Variants in TOX3 observed in about 807,000 individuals in gnomAD.
TOX3 encodes TOX high mobility group box family member 3, also known as CAG trinucleotide repeat-containing gene F9 protein.
In TOX3, 22 loss-of-function variants were observed where a neutral mutation model predicts 64.3. The ratio of observed to expected loss-of-function variants is 0.34; its 90% CI spans 0.24 to 0.49. The LOEUF is 0.49. Ranked by LOEUF, TOX3 falls within the 20% of genes least tolerant of loss-of-function variation. TOX3 has a pLI of 0.99. For synonymous variants in TOX3, 291 were observed against 273.6 expected, an observed-to-expected ratio of 1.06 and a Z score of -0.63; for missense variants, 661 against 714.4, an observed-to-expected ratio of 0.93 and a Z score of 0.85.
chr16:52,468,625 C>T, intron 1 of TOX3, 51 bp from the exon 2 acceptor site: 1 of 1,426,718 alleles, frequency 7.0e-7, no homozygotes, highest in Non-Finnish European at 9.8e-7. Context: ...ATAAAGCATT[C>T]TGGCTGTGAT....
At chr16:52,440,002 C>T (rs1959910980) in intron 6 of TOX3, 34 bp from the exon 7 acceptor site, 3 of 1,475,388 alleles carry the variant, frequency 2.0e-6, no homozygotes, top group Non-Finnish European at 2.7e-6. Flanking sequence ...CAGACTGTTA[C>T]AACACATAAG....
At chr16:52,509,947 A>T (rs1312453041) in intron 1 of TOX3, among the ~76,000 whole-genome samples, 1 of 152,136 alleles carries the variant, frequency 6.6e-6, no homozygotes, top group African/African-American at 2.4e-5. Context: ...TATTCAAGAG[A>T]TGAGTCTAAA....
chr16:52,489,651 G>A (rs1053322351), intron 1 of TOX3, among the ~76,000 whole-genome samples: 1 of 152,066 alleles, frequency 6.6e-6, no homozygotes, highest in Non-Finnish European at 1.5e-5. Flanking sequence ...TCTCCAGTTT[G>A]AATATCTTTC....
chr16:52,479,275 C>T (rs1165894729), intron 1 of TOX3, among the ~76,000 whole-genome samples: 1 of 152,076 alleles, frequency 6.6e-6, no homozygotes, highest in South Asian at 2.1e-4. Flanking sequence ...GCCTTGCATA[C>T]CAAGAAATGA....
chr16:52,443,829 T>C (rs1381993732), intron 6 of TOX3, among the ~76,000 whole-genome samples: 3 of 152,168 alleles, frequency 2.0e-5, no homozygotes, highest in African/African-American at 7.2e-5. Context: ...TCATGAGGTT[T>C]ATTTATTTAT....
intron 1 of TOX3, among the ~76,000 whole-genome samples, chr16:52,491,148 C>CA (rs1341879458): frequency 6.6e-6 from 1 of 152,102 alleles, no homozygotes; most frequent in Non-Finnish European, 1.5e-5. Context: ...TATATAGCCT[C>CA]ATTCCCTTCT....
At chr16:52,516,126 C>G (rs1443672730) in intron 1 of TOX3, among the ~76,000 whole-genome samples, 1 of 152,126 alleles carries the variant, frequency 6.6e-6, no homozygotes, top group Non-Finnish European at 1.5e-5. Context: ...TGTAAAATCA[C>G]TTTCAAATTT....
chr16:52,452,817 T>C (rs182689659), intron 3 of TOX3, among the ~76,000 whole-genome samples: 1 of 152,324 alleles, frequency 6.6e-6, no homozygotes, highest in East Asian at 1.9e-4. Context: ...CATTTCCCAT[T>C]TCTTAATAAT....
chr16:52,523,895 T>C (rs1962667226), intron 1 of TOX3, among the ~76,000 whole-genome samples: 1 of 152,214 alleles, frequency 6.6e-6, no homozygotes, highest in Non-Finnish European at 1.5e-5. Context: ...GTCTTTGCAG[T>C]TCATTAGATT....
intron 6 of TOX3, among the ~76,000 whole-genome samples, chr16:52,443,488 T>A (rs1960067010): frequency 6.6e-6 from 1 of 152,198 alleles, no homozygotes; most frequent in Non-Finnish European, 1.5e-5. Flanking sequence ...TGAACCCTTT[T>A]TAAATGGCTT....
chr16:52,451,757 A>G (rs1357462354), intron 3 of TOX3, among the ~76,000 whole-genome samples: 1 of 152,240 alleles, frequency 6.6e-6, no homozygotes, highest in African/African-American at 2.4e-5. Flanking sequence ...TCTATCAAAG[A>G]AAACTAGTTG....
intron 1 of TOX3, among the ~76,000 whole-genome samples, chr16:52,479,513 T>C (rs1430878724): frequency 6.6e-6 from 1 of 152,228 alleles, no homozygotes; most frequent in Non-Finnish European, 1.5e-5. Context: ...GAATAATGTC[T>C]ATTCTGCGTG....
chr16:52,485,632 C>A (rs540155760), intron 1 of TOX3, among the ~76,000 whole-genome samples: 1 of 151,894 alleles, frequency 6.6e-6, no homozygotes, highest in Admixed American at 6.6e-5. Flanking sequence ...TGCACATGTA[C>A]CCCCTGAATC....
At chr16:52,479,026 A>T (rs780754936) in intron 1 of TOX3, among the ~76,000 whole-genome samples, 1 of 152,230 alleles carries the variant, frequency 6.6e-6, no homozygotes, top group Non-Finnish European at 1.5e-5. Context: ...AATGTGAATA[A>T]GACCCAGTTT....
intron 3 of TOX3, among the ~76,000 whole-genome samples, chr16:52,451,191 C>T (rs1453496134): frequency 2.0e-5 from 3 of 152,216 alleles, no homozygotes; most frequent in African/African-American, 7.2e-5. Flanking sequence ...TTCTGAATTA[C>T]ATTGTCAGCG....
At chr16:52,542,566 G>A (rs898644440) in intron 1 of TOX3, among the ~76,000 whole-genome samples, 4 of 152,134 alleles carry the variant, frequency 2.6e-5, no homozygotes, top group African/African-American at 4.8e-5. Flanking sequence ...TACTAATGCT[G>A]ACGAAGGCTA....
At chr16:52,525,136 G>A (rs1962701410) in intron 1 of TOX3, among the ~76,000 whole-genome samples, 1 of 152,246 alleles carries the variant, frequency 6.6e-6, no homozygotes, top group South Asian at 2.1e-4. Flanking sequence ...ATCTAATCAG[G>A]TACAGTAAAT....
At chr16:52,531,772 A>T (rs1962855675) in intron 1 of TOX3, among the ~76,000 whole-genome samples, 1 of 152,200 alleles carries the variant, frequency 6.6e-6, no homozygotes, top group South Asian at 2.1e-4. Flanking sequence ...CCTTTAGAAG[A>T]TTAAACCAGA....
intron 1 of TOX3, among the ~76,000 whole-genome samples, chr16:52,513,615 TG>T (rs1279999808): frequency 6.6e-6 from 1 of 152,232 alleles, no homozygotes; most frequent in Non-Finnish European, 1.5e-5. Context: ...AAAAGTGACC[TG>T]ATTTTTCTGT....
Sources: gnomAD v4.1 joint callset for allele counts (sites outside exome capture counted in the v4.1 genomes callset) on GRCh38, gnomAD v4.1.1 for gene constraint, MANE v1.5 for transcripts, NCBI Gene and HGNC (gene_info 2026-07-23, HGNC 2026-07-21) for gene names.